ATXN7L2: variants seen among roughly 807,000 people sequenced by gnomAD.
ATXN7L2 encodes ataxin-7-like protein 2.
In ATXN7L2, 17 loss-of-function variants were observed where a neutral mutation model predicts 59.6. The ratio of observed to expected loss-of-function variants is 0.29; its 90% confidence interval spans 0.20 to 0.43. The LOEUF (loss-of-function observed/expected upper bound fraction) is 0.43. Ranked by LOEUF, ATXN7L2 falls within the 20% of genes least tolerant of loss-of-function variation. The probability of loss-of-function intolerance (pLI) is 1.00; values close to 1 mark genes in which losing one functional copy is unlikely to be tolerated. For missense variants in ATXN7L2, 858 were observed against 1,008.9 expected (o/e 0.85, Z 2.03); for synonymous variants, 378 against 392.5 (o/e 0.96, Z 0.44).
At chr1:109,485,985 GTC>G (rs1656556384) in intron 1 of ATXN7L2, 70 bp from the exon 2 acceptor site, 2 of 1,445,994 alleles carry the variant, frequency 1.4e-6, no homozygotes. Context: ...GGGAAGAACA[GTC>G]TCTGGTAAGG....
At chr1:109,492,423 G>A (rs956470873) in intron 10 of ATXN7L2, among the ~76,000 whole-genome samples, 163 bp from the exon 11 acceptor site, 3 of 152,190 alleles carry the variant, frequency 2.0e-5, no homozygotes, top group Non-Finnish European at 1.5e-5. Flanking sequence ...TACCCAGGCT[G>A]CCCCTGGTGA....
rs780938693 is a variant in ATXN7L2 at position 109,491,443 on chromosome 1, T to A, written c.1976T>A (p.Leu659Gln). 54 of 1,613,964 alleles carry A rather than the reference T, an allele frequency of 3.3e-5. No individual in the cohort carries two copies. The highest frequency in any genetic ancestry group is 5.0e-5 in the Admixed American group (3 of 60,014). ...CCAAGAGTGAAGCGGGCAGGGCCCC[T>A]GGACTGTCGTGGCTCCCCTCATCAG... ...MGPRVKRAGPLDCRGSPHQLP... is the reference protein window; with the variant it reads ...MGPRVKRAGPQDCRGSPHQLP... The change falls in exon 10 of 11, where the codon CTG (leucine) becomes CAG (glutamine). Residue 659 changes from leucine (L) to glutamine (Q), a missense_variant. By Grantham distance (113) the Leu-to-Gln change is moderately radical. Coordinates refer to ENST00000683729, the MANE Select transcript of ATXN7L2 (RefSeq NM_001350175.2). The surrounding 1 kb of genome is among the most constrained non-coding windows in gnomAD (Gnocchi z 4.1).
rs1038671459 is a variant in ATXN7L2, at chr1:109,487,467, G to C, written c.510-51G>C. 2.8e-6 allele frequency: 4 copies of C among 1,445,768 alleles called. No homozygotes were observed. In the South Asian group the frequency reaches 6.0e-5, roughly 22 times the overall value. 89.6% of individuals were successfully genotyped at this position (1,445,768 alleles called of 1,614,324 possible). A position where few individuals can be genotyped will look rare whatever the true frequency, so the allele number is the denominator to read the frequency against. On this transcript the variant is annotated intron_variant, in intron 4 of 10. Coordinates refer to ENST00000683729, the MANE Select transcript of ATXN7L2 (RefSeq NM_001350175.2). ...GCTCTGGGCTAGAGTCCAGGCCCCA[G>C]GCCTCGCCTCCCCTCCCCTCCCTCA...
In ATXN7L2 at chr1:109,486,402, G is replaced by A. The variant is rs1001397814; in HGVS notation, c.194-104G>A. The A allele has an allele frequency of 3.9e-6, 4 of 1,029,616 alleles. No individual in the cohort carries two copies. Among genetic ancestry groups the A allele is most frequent in the Admixed American group, 2.3e-5 (1 of 43,104 alleles). 63.8% of individuals were successfully genotyped at this position (1,029,616 alleles called of 1,614,324 possible). A position where few individuals can be genotyped will look rare whatever the true frequency, so the allele number is the denominator to read the frequency against. ...TCAGCATGGAGCTTGTTATATCAGC[G>A]GGGAGGTGAAGTGCCTTCTGAGTGT... On this transcript the variant is annotated intron_variant, in intron 2 of 10. Transcript: ENST00000683729. This position sits in a 1 kb window ranked among gnomAD's most constrained non-coding sequence, Gnocchi z 4.3.
chr1:109,485,820 G>A, intron 1 of ATXN7L2: 7 of 1,189,422 alleles, frequency 5.9e-6, no homozygotes, highest in Non-Finnish European at 7.3e-6. Flanking sequence ...GATGCAGCAG[G>A]TGAAGGAAGA....
Position 109,492,732 on chromosome 1 carries a change from C to G in ATXN7L2, c.*132C>G, listed in dbSNP as rs949152467. 19 of 1,040,194 alleles carry G rather than the reference C, an allele frequency of 1.8e-5. No homozygotes were observed. Among genetic ancestry groups the G allele is most frequent in the Non-Finnish European group, 2.1e-5 (15 of 713,248 alleles). The allele number at this position is 1,040,194 out of a possible 1,614,324, so 64.4% of individuals were successfully genotyped here. On this transcript the variant is annotated 3_prime_UTR_variant, in exon 11 of 11. Transcript: ENST00000683729. ...AGAAAAAAAGCTCTTTAAAATACCT[C>G]AAGACTGTCTCCCTGTTCTGTTGCT...
At chr1:109,485,137 A>G in intron 1 of ATXN7L2, 1 of 483,658 alleles carries the variant, frequency 2.1e-6, no homozygotes. Flanking sequence ...TGGGTGGGCA[A>G]AGATGGGGCC....
rs1656725816 is a variant in ATXN7L2 at position 109,488,011 on chromosome 1, C to A, written c.796+207C>A. ...GTCTCCTGATCAAGGCTGAGGGAGCCCATGCCCAGGAGGTGAAGTTCTTTC... is the reference window on the plus strand; with the variant it reads ...GTCTCCTGATCAAGGCTGAGGGAGCACATGCCCAGGAGGTGAAGTTCTTTC... On this transcript the variant is annotated intron_variant, in intron 5 of 10. Coordinates refer to ENST00000683729, the MANE Select transcript of ATXN7L2 (RefSeq NM_001350175.2). This position sits in a 1 kb window ranked among gnomAD's most constrained non-coding sequence, Gnocchi z 5.0. Among the ~76,000 whole-genome samples, 1 of 152,194 alleles carries A rather than the reference C, an allele frequency of 6.6e-6. No homozygotes were observed. Among genetic ancestry groups the A allele is most frequent in the Admixed American group, 6.5e-5 (1 of 15,282 alleles).
intron 1 of ATXN7L2, 54 bp downstream of exon 1, chr1:109,484,134 C>A: frequency 1.1e-5 from 15 of 1,367,524 alleles, no homozygotes; most frequent in Admixed American, 3.0e-5. Context: ...CCCCTCCCCC[C>A]TTCCGGGCCC....
rs372308681 is a variant in ATXN7L2 at position 109,490,072 on chromosome 1, G to A, written c.1276G>A (p.Asp426Asn). Residue 426 changes from aspartate to asparagine, a missense_variant, in exon 8 of 11, where the codon GAC becomes AAC. By Grantham distance (23) the Asp-to-Asn change is conservative. Coordinates refer to ENST00000683729, the MANE Select transcript of ATXN7L2 (RefSeq NM_001350175.2). ...EESEEEGTSD[D>N]LHPPPDCHYA... Reference sequence around the variant, plus strand: ...GAGTGAGGAGGAGGGGACATCTGACGACCTCCACCCACCCCCTGACTGCCA... The same window carrying A: ...GAGTGAGGAGGAGGGGACATCTGACAACCTCCACCCACCCCCTGACTGCCA... 1.1e-5 allele frequency: 17 copies of A among 1,602,466 alleles called. No homozygotes were observed. The African/African-American group carries it at 1.3e-4, about 13-fold the overall frequency.
At position 109,491,763 on chromosome 1, in the gene ATXN7L2, G is replaced by C. The variant is rs776844549; in HGVS notation, c.2250+46G>C. The C allele has an allele frequency of 1.3e-5, 19 of 1,506,316 alleles. No individual in the cohort carries two copies. The highest frequency in any genetic ancestry group is 7.0e-5 in the African/African-American group (5 of 71,814). The allele number at this position is 1,506,316 out of a possible 1,614,324, so 93.3% of individuals were successfully genotyped here. A position where few individuals can be genotyped will look rare whatever the true frequency, so the allele number is the denominator to read the frequency against. On this transcript the variant is annotated intron_variant, in intron 10 of 10. Transcript: ENST00000683729. The surrounding 1 kb of genome is among the most constrained non-coding windows in gnomAD (Gnocchi z 4.1). ...AGATTGATGAGGGTGGGGCACACAG[G>C]GGGTACCTGATACAGAGAAGATGCT...
At chr1:109,487,258 C>A in intron 4 of ATXN7L2, 41 bp downstream of exon 4, 1 of 1,455,820 alleles carries the variant, frequency 6.9e-7, no homozygotes, top group South Asian at 1.4e-5. Context: ...GGCCCTGACC[C>A]TGACCCATGG....
chr1:109,487,251 C>G, intron 4 of ATXN7L2, 34 bp downstream of exon 4: 3 of 1,459,738 alleles, frequency 2.1e-6, no homozygotes, highest in Non-Finnish European at 2.7e-6. Flanking sequence ...TAAGACTGGC[C>G]CTGACCCTGA....
chr1:109,487,400 C>A, intron 4 of ATXN7L2, 118 bp from the exon 5 acceptor site: 1 of 1,234,466 alleles, frequency 8.1e-7, no homozygotes, highest in Non-Finnish European at 1.1e-6. Context: ...GTTTCACACC[C>A]CTGCTGGAGC....
chr1:109,492,475 G>A, intron 10 of ATXN7L2, 111 bp from the exon 11 acceptor site: 3 of 1,437,824 alleles, frequency 2.1e-6, no homozygotes, highest in Admixed American at 1.9e-5. Context: ...TACTCACCAG[G>A]CCAGCAGAAG....
chr1:109,490,221 G>T, intron 8 of ATXN7L2, 50 bp from the exon 9 acceptor site: 1 of 1,603,316 alleles, frequency 6.2e-7, no homozygotes. Flanking sequence ...TGCAGATGCT[G>T]TCTGTGCACC....
Position 109,488,895 on chromosome 1 carries a change from T to G in ATXN7L2, c.928T>G (p.Phe310Val). Residue 310 changes from phenylalanine (F) to valine (V), a missense_variant, in exon 7 of 11, where the codon TTT (phenylalanine) becomes GTT (valine). Around this residue, in one of 3 missense-constraint regions of ATXN7L2, gnomAD observed 734 missense variants for 862.3 expected, o/e 0.85. Transcript: ENST00000683729. The surrounding 1 kb of genome is among the most constrained non-coding windows in gnomAD (Gnocchi z 5.0). ...RREVQGRAKDFDVLVAELKAN... is the reference protein window; with the variant it reads ...RREVQGRAKDVDVLVAELKAN... ...GGAAGTCCAGGGCCGGGCCAAGGAC[T>G]TTGACGTGCTGGTGGCAGAGCTGAA... 5 of 1,614,128 alleles carry G rather than the reference T, an allele frequency of 3.1e-6. No homozygotes were observed. Among genetic ancestry groups the G allele is most frequent in the Non-Finnish European group, 3.4e-6 (4 of 1,180,016 alleles).
Position 109,486,734 on chromosome 1 carries a change from T to TG in ATXN7L2, c.298+129dup. 2.3e-6 allele frequency: 2 copies of TG among 860,402 alleles called. No homozygotes were observed. 53.3% of individuals were successfully genotyped at this position (860,402 alleles called of 1,614,324 possible). A position where few individuals can be genotyped will look rare whatever the true frequency, so the allele number is the denominator to read the frequency against. On this transcript the variant is annotated intron_variant, in intron 3 of 10. Coordinates refer to ENST00000683729, the MANE Select transcript of ATXN7L2 (RefSeq NM_001350175.2). This position sits in a 1 kb window ranked among gnomAD's most constrained non-coding sequence, Gnocchi z 4.3. ...GGTGGTGTTGAGGATAGGAAGGTTG[T>TG]GGGGGTGGCTTCAGAGCATTGTGGG... is the stretch of plus-strand genomic sequence containing the variant.
At chr1:109,487,981 C>G (rs1656723370) in intron 5 of ATXN7L2, among the ~76,000 whole-genome samples, 177 bp downstream of exon 5, 1 of 152,206 alleles carries the variant, frequency 6.6e-6, no homozygotes, top group African/African-American at 2.4e-5. Flanking sequence ...TTCTCTCCAT[C>G]CTGTGTCTCC....
Sources: allele counts gnomAD v4.1 joint callset (sites outside exome capture counted in the v4.1 genomes callset), GRCh38; gene constraint gnomAD v4.1.1; regional missense constraint gnomAD v4.1.1; non-coding constraint Gnocchi (gnomAD v3.1); transcripts MANE v1.5; gene names NCBI Gene and HGNC (gene_info 2026-07-23, HGNC 2026-07-21).